Variants in PRKG1 observed in about 807,000 individuals in gnomAD.
The protein encoded by PRKG1 is protein kinase cGMP-dependent 1, also known as cGMP-dependent protein kinase 1.
A neutral mutation model predicts 88.1 loss-of-function variants in PRKG1; 35 were observed. The observed-to-expected ratio is 0.40, with a 90% confidence interval of 0.30 to 0.53. The LOEUF is 0.53. Among genes scored for constraint, PRKG1 ranks in the 20% least tolerant of loss-of-function variants. The pLI is 0.59. For missense variants in PRKG1, 540 were observed against 839.8 expected, an observed-to-expected ratio of 0.64 and a Z score of 4.41; for synonymous variants, 303 against 292.5, an observed-to-expected ratio of 1.04 and a Z score of -0.37.
intron 2 of PRKG1, among the ~76,000 whole-genome samples, chr10:51,421,576 G>A (rs1838417571): frequency 1.3e-5 from 2 of 152,030 alleles, no homozygotes; most frequent in South Asian, 4.2e-4. Flanking sequence ...AACTTTTCAG[G>A]CTCTCAGAGC....
intron 4 of PRKG1, among the ~76,000 whole-genome samples, chr10:51,832,578 A>G (rs1273754847): frequency 2.0e-5 from 3 of 152,148 alleles, no homozygotes; most frequent in Non-Finnish European, 4.4e-5. Flanking sequence ...CTCTGTAGGT[A>G]TGATAATTTT....
At chr10:51,809,769 T>C (rs558874322) in intron 4 of PRKG1, among the ~76,000 whole-genome samples, 3 of 152,284 alleles carry the variant, frequency 2.0e-5, no homozygotes, top group Non-Finnish European at 4.4e-5. Context: ...GCTCACGTCA[T>C]CCCTCTTGCA....
At position 52,235,002 on chromosome 10, in the gene PRKG1, G is replaced by A. The variant is rs1331372614; in HGVS notation, c.1077-16568G>A. The stretch of plus-strand genomic sequence containing the variant: ...CCCTACAAGCCAGAAGAGAGTGGGG[G>A]CCAATATTCAACATTCTTAAAGAAA... On this transcript the variant is annotated intron_variant, in intron 9 of 17. Transcript: ENST00000373980. Among the ~76,000 whole-genome samples the A allele has an allele frequency of 2.0e-3, 222 of 111,298 alleles. 1 individual carries two copies. The highest frequency in any genetic ancestry group is 7.9e-3 in the African/African-American group (204 of 25,858). The allele number at this position is 111,298 out of a possible 152,430, so 73.0% of individuals were successfully genotyped here. A position where few individuals can be genotyped will look rare whatever the true frequency, so the allele number is the denominator to read the frequency against.
chr10:51,984,348 T>C (rs1334020752), intron 5 of PRKG1, among the ~76,000 whole-genome samples: 1 of 152,240 alleles, frequency 6.6e-6, no homozygotes, highest in East Asian at 1.9e-4. Flanking sequence ...TGCAATACTA[T>C]AAACAAAGTT....
chr10:52,295,760 G>A lies in PRKG1; in HGVS notation c.*1860G>A, dbSNP rs1000632155. On this transcript the variant is annotated 3_prime_UTR_variant, in exon 18 of 18. Coordinates refer to ENST00000373980, the MANE Select transcript of PRKG1 (RefSeq NM_006258.4). ...AAATCTTATAAATTTTGCTTGAATT[G>A]TTCTTACTCAAAACTACCTTAGAAT... 3 of 151,692 alleles carry A rather than the reference G, an allele frequency of 2.0e-5. No individual in the cohort carries two copies. Among genetic ancestry groups the A allele is most frequent in the Non-Finnish European group, 2.9e-5 (2 of 67,856 alleles). The allele number at this position is 151,692 out of a possible 1,614,324, so 9.4% of individuals were successfully genotyped here. A position where few individuals can be genotyped will look rare whatever the true frequency, so the allele number is the denominator to read the frequency against.
chr10:52,057,649 G>A lies in PRKG1; in HGVS notation c.840+3088G>A, dbSNP rs931698975. On this transcript the variant is annotated intron_variant, in intron 6 of 17. Transcript: ENST00000373980. ...TTTCTGATTCCATTCAACATACCTC[G>A]TATCCTACCATTGGAAAAAAATGTG... is the stretch of plus-strand genomic sequence containing the variant. Among the ~76,000 whole-genome samples the A allele has an allele frequency of 3.9e-5, 6 of 151,962 alleles. No individual in the cohort carries two copies. The South Asian group carries it at 1.0e-3, about 26-fold the overall frequency.
chr10:51,944,518 A>G, intron 5 of PRKG1, among the ~76,000 whole-genome samples: 1 of 151,646 alleles, frequency 6.6e-6, no homozygotes, highest in African/African-American at 2.4e-5. Flanking sequence ...GTTTGCTCTT[A>G]CTTTTCTAGT....
chr10:52,167,209 G>T (rs7902533), intron 9 of PRKG1, among the ~76,000 whole-genome samples: 43,387 of 151,740 alleles, frequency 0.29, 10,403 homozygotes, highest in African/African-American at 0.62. Context: ...CATGGCAGAA[G>T]GCAACAGGGC....
chr10:51,740,793 T>C (rs990293279), intron 3 of PRKG1, among the ~76,000 whole-genome samples: 1 of 152,140 alleles, frequency 6.6e-6, no homozygotes, highest in Non-Finnish European at 1.5e-5. Context: ...AGAATCAAGA[T>C]AGTAAATTCT....
intron 5 of PRKG1, among the ~76,000 whole-genome samples, chr10:51,944,323 C>T (rs138632606): frequency 0.11 from 17,046 of 151,842 alleles, 1,245 homozygotes; most frequent in East Asian, 0.35. Context: ...TTTTTTATTG[C>T]GCCTATTTGA....
At chr10:51,120,796 T>G (rs1845241920) in intron 1 of PRKG1, among the ~76,000 whole-genome samples, 1 of 152,156 alleles carries the variant, frequency 6.6e-6, no homozygotes, top group Admixed American at 6.6e-5. Context: ...TGTATTAATT[T>G]CCTATTGTTG....
chr10:51,890,558 T>C (rs555470930), intron 4 of PRKG1, among the ~76,000 whole-genome samples: 7 of 152,358 alleles, frequency 4.6e-5, no homozygotes, highest in Non-Finnish European at 1.0e-4. Flanking sequence ...TAAAGAGATA[T>C]AAATAATTGT....
intron 2 of PRKG1, among the ~76,000 whole-genome samples, chr10:51,159,438 A>G (rs1224820845): frequency 6.6e-6 from 1 of 152,160 alleles, no homozygotes; most frequent in East Asian, 1.9e-4. Context: ...ATGTACTTAA[A>G]GTTATACTTG....
intron 5 of PRKG1, among the ~76,000 whole-genome samples, chr10:52,016,374 A>G (rs536112281): frequency 1.3e-5 from 2 of 152,226 alleles, no homozygotes; most frequent in South Asian, 4.2e-4. Flanking sequence ...ATCTTGTTAG[A>G]ACTCACTCAT....
At chr10:51,699,490 C>T (rs145321516) in intron 3 of PRKG1, 34 of 1,613,636 alleles carry the variant, frequency 2.1e-5, no homozygotes, top group Non-Finnish European at 2.9e-5. Context: ...GAATGTTCCC[C>T]ACGAACACGG....
At chr10:52,268,749 G>A (rs1279357054) in intron 10 of PRKG1, among the ~76,000 whole-genome samples, 1 of 152,040 alleles carries the variant, frequency 6.6e-6, no homozygotes, top group South Asian at 2.1e-4. Context: ...CCTTGGGAAA[G>A]ATAGGAATCA....
chr10:51,090,274 A>G (rs1480089290), intron 1 of PRKG1, among the ~76,000 whole-genome samples: 2 of 152,156 alleles, frequency 1.3e-5, no homozygotes, highest in Admixed American at 6.6e-5. Flanking sequence ...TGCTGTGTAC[A>G]TGTCTAAACC....
intron 9 of PRKG1, among the ~76,000 whole-genome samples, chr10:52,208,335 CAT>C (rs1839874246): frequency 1.3e-5 from 2 of 152,166 alleles, no homozygotes; most frequent in Admixed American, 1.3e-4. Context: ...GGCTATGAAA[CAT>C]ATAAACTATG....
chr10:51,199,143 A>G (rs1837848222), intron 2 of PRKG1, among the ~76,000 whole-genome samples: 1 of 152,240 alleles, frequency 6.6e-6, no homozygotes, highest in Non-Finnish European at 1.5e-5. Flanking sequence ...CATAGAACCA[A>G]TTAGCCAAAT....
Sources: allele counts gnomAD v4.1 joint callset (sites outside exome capture counted in the v4.1 genomes callset), GRCh38; gene constraint gnomAD v4.1.1; transcripts MANE v1.5; gene names NCBI Gene and HGNC (gene_info 2026-07-23, HGNC 2026-07-21).